The following CDH7 variants were observed in gnomAD, a reference collection of about 807,000 sequenced individuals.
The protein encoded by CDH7 is cadherin-7.
CDH7 carries 25 observed loss-of-function variants against 71.8 expected under a neutral mutation model. That is an observed-to-expected ratio of 0.35 (90% CI 0.25 to 0.49). The LOEUF (loss-of-function observed/expected upper bound fraction) is 0.49. CDH7 is among the 20% of genes least tolerant of loss of function. The pLI is 0.99. For missense variants in CDH7, 862 were observed against 974.6 expected, an observed-to-expected ratio of 0.88 and a Z score of 1.54; for synonymous variants, 381 against 363.8, an observed-to-expected ratio of 1.05 and a Z score of -0.54.
At chr18:65,878,986 G>T (rs1914145516) in intron 11 of CDH7, among the ~76,000 whole-genome samples, 1 of 152,132 alleles carries the variant, frequency 6.6e-6, no homozygotes, top group South Asian at 2.1e-4. Flanking sequence ...CACCAATACA[G>T]TTTTTCATCA....
At chr18:65,753,983 C>A (rs893824306) in intron 1 of CDH7, among the ~76,000 whole-genome samples, 1 of 152,044 alleles carries the variant, frequency 6.6e-6, no homozygotes, top group Non-Finnish European at 1.5e-5. Flanking sequence ...TCACACGTGG[C>A]CCAAGGTAAA....
At chr18:65,873,853 C>T (rs1028609699) in intron 11 of CDH7, among the ~76,000 whole-genome samples, 3 of 152,134 alleles carry the variant, frequency 2.0e-5, no homozygotes, top group African/African-American at 7.2e-5. Context: ...TAATCCCTTT[C>T]CCATACATAT....
chr18:65,837,045 T>C (rs554187453), intron 6 of CDH7, among the ~76,000 whole-genome samples: 19 of 152,274 alleles, frequency 1.2e-4, no homozygotes, highest in African/African-American at 4.6e-4. Context: ...GCATCAACAG[T>C]GTGCACCTAG....
intron 6 of CDH7, among the ~76,000 whole-genome samples, chr18:65,834,527 T>C (rs779754690): frequency 3.8e-4 from 58 of 152,182 alleles, no homozygotes; most frequent in Non-Finnish European, 7.2e-4. Context: ...ACTGTTTTAT[T>C]CTTCCAGAAT....
chr18:65,844,999 A>G (rs1243507630), intron 7 of CDH7, among the ~76,000 whole-genome samples: 1 of 152,078 alleles, frequency 6.6e-6, no homozygotes, highest in African/African-American at 2.4e-5. Flanking sequence ...ATAATATTTA[A>G]CAATGGTAAG....
chr18:65,755,978 AAAAAACAAAAAC>A (rs572780759), intron 1 of CDH7, among the ~76,000 whole-genome samples: 1 of 151,334 alleles, frequency 6.6e-6, no homozygotes, highest in African/African-American at 2.5e-5. Flanking sequence ...AAAACAAACA[AAAAAACAAAAAC>A]AAAAACAAAA....
intron 2 of CDH7, among the ~76,000 whole-genome samples, chr18:65,776,399 C>CAGAG (rs1431691815): frequency 9.8e-5 from 13 of 132,450 alleles, no homozygotes; most frequent in African/African-American, 4.2e-4. Context: ...CACACACACA[C>CAGAG]ACAGAGAGAG....
chr18:65,841,522 A>G (rs1912732325), intron 6 of CDH7, among the ~76,000 whole-genome samples: 2 of 152,194 alleles, frequency 1.3e-5, no homozygotes, highest in South Asian at 2.1e-4. Flanking sequence ...GATTTCTCTT[A>G]TAGTTAGTAA....
intron 2 of CDH7, among the ~76,000 whole-genome samples, chr18:65,792,996 A>G (rs1910768816): frequency 6.6e-6 from 1 of 152,134 alleles, no homozygotes; most frequent in South Asian, 2.1e-4. Context: ...TCCGTGGAGC[A>G]TCAGCTACTG....
intron 4 of CDH7, among the ~76,000 whole-genome samples, chr18:65,815,956 GC>G (rs1176636274): frequency 6.6e-6 from 1 of 152,024 alleles, no homozygotes; most frequent in African/African-American, 2.4e-5. Context: ...TCCAAAAATA[GC>G]ATGTATTAAG....
chr18:65,753,297 T>C (rs1461904807), intron 1 of CDH7, among the ~76,000 whole-genome samples: 1 of 152,228 alleles, frequency 6.6e-6, no homozygotes, highest in African/African-American at 2.4e-5. Flanking sequence ...GCAAATACTT[T>C]TTTGTCAGAT....
chr18:65,855,712 A>T (rs1340435750), intron 7 of CDH7, among the ~76,000 whole-genome samples: 1 of 152,162 alleles, frequency 6.6e-6, no homozygotes, highest in Non-Finnish European at 1.5e-5. Flanking sequence ...TTCAGGAAAT[A>T]TGAGAAGAGG....
rs775761422 is a variant in CDH7 at position 65,880,658 on chromosome 18, A to G, written c.2122A>G (p.Arg708Gly). 11 of 1,613,938 alleles carry G rather than the reference A, an allele frequency of 6.8e-6. 1 individual carries two copies. The highest frequency in any genetic ancestry group is 1.6e-4 in the Middle Eastern group (1 of 6,062). Reference protein sequence around the residue: ...FKSIPDNVIFREFIWERLKEA... With the variant: ...FKSIPDNVIFGEFIWERLKEA... ...AAGCATCCCAGATAATGTCATCTTT[A>G]GGGAATTTATTTGGGAAAGATTAAA... is the stretch of plus-strand genomic sequence containing the variant. Residue 708 changes from arginine (R) to glycine (G), a missense_variant, in exon 12 of 12, where the codon AGG (arginine) becomes GGG (glycine). Physicochemically the swap from Arg to Gly is moderately radical, Grantham distance 125 (BLOSUM62 -2). Transcript: ENST00000397968.
chr18:65,824,815 T>G lies in CDH7; in HGVS notation c.965T>G (p.Ile322Ser), dbSNP rs1429274681. 5 of 1,608,244 alleles carry G rather than the reference T, an allele frequency of 3.1e-6. No individual in the cohort carries two copies. The highest frequency in any genetic ancestry group is 4.3e-6 in the Non-Finnish European group (5 of 1,175,422). The change falls in exon 6 of 12, where the codon ATC becomes AGC. Residue 322 changes from isoleucine to serine, a missense_variant. By Grantham distance (142) the Ile-to-Ser change is moderately radical. Transcript: ENST00000397968. ...ISVDKETQEGIITIQKELDFE... is the reference protein window; with the variant it reads ...ISVDKETQEGSITIQKELDFE... The stretch of plus-strand genomic sequence containing the variant: ...GTTGACAAAGAAACCCAGGAAGGAA[T>G]CATTACTATACAGAAGGTAATGTTT...
At chr18:65,829,238 T>C (rs1912245153) in intron 6 of CDH7, among the ~76,000 whole-genome samples, 1 of 151,782 alleles carries the variant, frequency 6.6e-6, no homozygotes, top group Non-Finnish European at 1.5e-5. Context: ...TCCTGCCTCA[T>C]CCTCCTGAGC....
At chr18:65,799,722 C>G (rs1438265659) in intron 2 of CDH7, among the ~76,000 whole-genome samples, 1 of 151,812 alleles carries the variant, frequency 6.6e-6, no homozygotes, top group Non-Finnish European at 1.5e-5. Flanking sequence ...GGTTCTTGGT[C>G]TTCAGTGTTC....
At chr18:65,841,135 G>T (rs1479258946) in intron 6 of CDH7, among the ~76,000 whole-genome samples, 1 of 151,906 alleles carries the variant, frequency 6.6e-6, no homozygotes, top group Admixed American at 6.6e-5. Context: ...TTGATTCATA[G>T]ACTTTCATAT....
chr18:65,786,003 A>G (rs1487625632), intron 2 of CDH7, among the ~76,000 whole-genome samples: 2 of 152,190 alleles, frequency 1.3e-5, no homozygotes, highest in Non-Finnish European at 2.9e-5. Flanking sequence ...GTACATTAGC[A>G]TGCAGCTTTT....
At chr18:65,841,487 A>G (rs1599043101) in intron 6 of CDH7, among the ~76,000 whole-genome samples, 1 of 152,208 alleles carries the variant, frequency 6.6e-6, no homozygotes, top group South Asian at 2.1e-4. Flanking sequence ...TCTTTTACAT[A>G]TAGACACATC....
Sources: allele counts gnomAD v4.1 joint callset (sites outside exome capture counted in the v4.1 genomes callset), GRCh38; gene constraint gnomAD v4.1.1; transcripts MANE v1.5; gene names NCBI Gene and HGNC (gene_info 2026-07-23, HGNC 2026-07-21).